Variants in MALRD1 observed in about 807,000 individuals in gnomAD.
MALRD1 encodes the protein MAM and LDL receptor class A domain containing 1, also known as MAM and LDL-receptor class A domain-containing protein 1.
A neutral mutation model predicts 242.1 loss-of-function variants in MALRD1; 247 were observed. That is an observed-to-expected ratio of 1.02 (90% CI 0.92 to 1.13). MALRD1 has a LOEUF of 1.13. Ranked by LOEUF, MALRD1 falls within the 50% of genes most tolerant of loss-of-function variation. MALRD1 has a pLI of 0.00. For missense variants in MALRD1, 2,989 were observed against 2,533.1 expected, an observed-to-expected ratio of 1.18 and a Z score of -3.86; for synonymous variants, 995 against 866.6, an observed-to-expected ratio of 1.15 and a Z score of -2.60.
At chr10:19,117,338 T>C (rs1836906325) in intron 5 of MALRD1, among the ~76,000 whole-genome samples, 1 of 152,136 alleles carries the variant, frequency 6.6e-6, no homozygotes. Context: ...GTAGTTAAAG[T>C]GGTAGACACT....
At chr10:19,642,958 G>A (rs974511943) in intron 36 of MALRD1, among the ~76,000 whole-genome samples, 2 of 152,104 alleles carry the variant, frequency 1.3e-5, no homozygotes, top group African/African-American at 4.8e-5. Context: ...GTTCTCATTG[G>A]ACTTTATTCA....
intron 11 of MALRD1, among the ~76,000 whole-genome samples, chr10:19,150,925 G>A (rs1006046008): frequency 1.3e-5 from 2 of 151,954 alleles, no homozygotes; most frequent in Admixed American, 6.6e-5. Flanking sequence ...GGATACTTTC[G>A]ATTTTATGCA....
chr10:19,605,127 C>T (rs925913804), intron 34 of MALRD1, among the ~76,000 whole-genome samples: 1 of 151,410 alleles, frequency 6.6e-6, no homozygotes, highest in Non-Finnish European at 1.5e-5. Flanking sequence ...ACAATTTCTA[C>T]CATTTGATTA....
chr10:19,393,344 G>A (rs1012829144), intron 28 of MALRD1, among the ~76,000 whole-genome samples: 11 of 151,082 alleles, frequency 7.3e-5, no homozygotes, highest in African/African-American at 2.4e-4. Flanking sequence ...GTACTCAAGA[G>A]TAGAAAATGG....
chr10:19,141,080 A>G (rs1833523836), intron 10 of MALRD1, among the ~76,000 whole-genome samples: 1 of 152,218 alleles, frequency 6.6e-6, no homozygotes. Flanking sequence ...CTTATACATC[A>G]ATAAAGCTTA....
chr10:19,655,827 G>C (rs1231366838), intron 36 of MALRD1, among the ~76,000 whole-genome samples: 1 of 152,008 alleles, frequency 6.6e-6, no homozygotes, highest in Non-Finnish European at 1.5e-5. Flanking sequence ...AGGCAGTAGA[G>C]TGTATGGAAT....
At chr10:19,530,595 G>T (rs1447517031) in intron 31 of MALRD1, among the ~76,000 whole-genome samples, 1 of 149,384 alleles carries the variant, frequency 6.7e-6, no homozygotes, top group Non-Finnish European at 1.5e-5. Flanking sequence ...ACCCACAAAG[G>T]GGAATGATAG....
At chr10:19,474,462 T>G (rs1429680071) in intron 29 of MALRD1, among the ~76,000 whole-genome samples, 1 of 152,152 alleles carries the variant, frequency 6.6e-6, no homozygotes, top group East Asian at 1.9e-4. Context: ...AAATATTCTT[T>G]GCTCTAAGGC....
chr10:19,308,490 G>C (rs1470312873), intron 21 of MALRD1, among the ~76,000 whole-genome samples: 2 of 151,564 alleles, frequency 1.3e-5, no homozygotes, highest in Non-Finnish European at 3.0e-5. Flanking sequence ...AGAGTGAGGA[G>C]GATAAACTTG....
chr10:19,133,327 A>C (rs375757514), intron 8 of MALRD1, among the ~76,000 whole-genome samples: 1 of 152,244 alleles, frequency 6.6e-6, no homozygotes, highest in South Asian at 2.1e-4. Flanking sequence ...GACCAAATTA[A>C]GAATATAATT....
In MALRD1 at chr10:19,719,223, CATATATATATATATAT is replaced by C. The variant is rs368394538; in HGVS notation, c.6315-11462_6315-11447del. The stretch of plus-strand genomic sequence containing the variant: ...ATATATATATATATACACATACATA[CATATATATATATATAT>C]ATATATATATATATATATATGCTAT... On this transcript the variant is annotated intron_variant, in intron 38 of 39. Coordinates refer to ENST00000454679, the MANE Select transcript of MALRD1 (RefSeq NM_001142308.3). Among the ~76,000 whole-genome samples the C allele has an allele frequency of 3.7e-4, 28 of 76,432 alleles. 1 individual carries two copies. Among genetic ancestry groups the C allele is most frequent in the Admixed American group, 6.8e-4 (4 of 5,888 alleles). The allele number at this position is 76,432 out of a possible 152,430, so 50.1% of individuals were successfully genotyped here.
chr10:19,649,376 T>C (rs1335176785), intron 36 of MALRD1, among the ~76,000 whole-genome samples: 1 of 152,188 alleles, frequency 6.6e-6, no homozygotes, highest in African/African-American at 2.4e-5. Flanking sequence ...TGTTCCCTTT[T>C]CTCTGCAACT....
At chr10:19,524,340 G>T (rs1383907555) in intron 31 of MALRD1, among the ~76,000 whole-genome samples, 1 of 151,992 alleles carries the variant, frequency 6.6e-6, no homozygotes, top group East Asian at 1.9e-4. Context: ...AGCTGGGCGT[G>T]GTGGTGCGTG....
chr10:19,166,900 C>T (rs750439725), intron 13 of MALRD1, among the ~76,000 whole-genome samples: 32 of 152,270 alleles, frequency 2.1e-4, no homozygotes, highest in Non-Finnish European at 5.9e-5. Context: ...TTAGTCTCTG[C>T]TCTGCTCATT....
Position 19,209,273 on chromosome 10 carries a change from G to T in MALRD1, c.2584G>T (p.Glu862Ter), listed in dbSNP as rs1367438900. The change falls in exon 18 of 40, where the codon GAG (glutamate) becomes TAG (stop). Residue 862 changes from glutamate (E) to a stop codon, truncating the protein, a stop_gained. Coordinates refer to ENST00000454679, the MANE Select transcript of MALRD1 (RefSeq NM_001142308.3). LOFTEE classifies it high-confidence loss of function. ...DRTDEVNCAP[E>*]LQCNFETGIC... is the part of the protein sequence containing the mutation. ...TTATTTCATGTGAATTTCAGCACCT[G>T]AGCTGCAGTGTAACTTTGAAACTGG... 3 of 1,530,024 alleles carry T rather than the reference G, an allele frequency of 2.0e-6. No individual in the cohort carries two copies. Among genetic ancestry groups the T allele is most frequent in the Non-Finnish European group, 2.6e-6 (3 of 1,138,814 alleles). The allele number at this position is 1,530,024 out of a possible 1,614,324, so 94.8% of individuals were successfully genotyped here. A position where few individuals can be genotyped will look rare whatever the true frequency, so the allele number is the denominator to read the frequency against.
At chr10:19,482,652 TACACAC>T (rs144094060) in intron 29 of MALRD1, among the ~76,000 whole-genome samples, 73 of 136,426 alleles carry the variant, frequency 5.4e-4, no homozygotes, top group African/African-American at 8.5e-4. Flanking sequence ...TTACAATAGC[TACACAC>T]ACACACACAC....
At chr10:19,148,288 A>G (rs899467974) in intron 11 of MALRD1, among the ~76,000 whole-genome samples, 6 of 152,050 alleles carry the variant, frequency 3.9e-5, no homozygotes. Flanking sequence ...AGGGAAGAGC[A>G]CGGGCTGCCC....
In MALRD1 at chr10:19,262,053, C is replaced by T. The variant is rs74121421; in HGVS notation, c.3079+4282C>T. On this transcript the variant is annotated intron_variant, in intron 19 of 39. Transcript: ENST00000454679. ...TTAAATTAGTTTATTTTTACTTTGT[C>T]TTAAAATGTCATCATTTGCTCTTCC... 7.9e-3 allele frequency among the ~76,000 whole-genome samples: 1,209 copies of T among 152,170 alleles called. 19 individuals are homozygous for T. The highest frequency in any genetic ancestry group is 0.028 in the African/African-American group (1,154 of 41,548).
At chr10:19,577,265 T>C (rs894363264) in intron 33 of MALRD1, among the ~76,000 whole-genome samples, 1 of 152,164 alleles carries the variant, frequency 6.6e-6, no homozygotes, top group Non-Finnish European at 1.5e-5. Flanking sequence ...TTATAGAATA[T>C]TATTAGATTT....
Sources: gnomAD v4.1 joint callset for allele counts (sites outside exome capture counted in the v4.1 genomes callset) on GRCh38, gnomAD v4.1.1 for gene constraint, MANE v1.5 for transcripts, NCBI Gene and HGNC (gene_info 2026-07-23, HGNC 2026-07-21) for gene names.